The following CEP85L variants were observed in gnomAD, a reference collection of about 807,000 sequenced individuals.
The protein encoded by CEP85L is centrosomal protein of 85 kDa-like.
Under a neutral mutation model 100.3 loss-of-function variants are expected in CEP85L, and 60 were observed. That is an observed-to-expected ratio of 0.60 (90% CI 0.49 to 0.74). CEP85L has a LOEUF of 0.74. Ranked by LOEUF, CEP85L falls within the 30% of genes least tolerant of loss-of-function variation. The probability of loss-of-function intolerance (pLI) is 0.00; values close to 1 mark genes in which losing one functional copy is unlikely to be tolerated. For synonymous variants in CEP85L, 319 were observed against 322.7 expected (o/e 0.99, Z 0.12); for missense variants, 973 against 936.2 (o/e 1.04, Z -0.51).
At chr6:118,480,651 T>C (rs1041564828) in intron 8 of CEP85L, 138 bp from the exon 9 acceptor site, 5 of 572,014 alleles carry the variant, frequency 8.7e-6, no homozygotes, top group Admixed American at 3.0e-5. Context: ...AGACAGTATA[T>C]GAAAAACTGT....
chr6:118,473,677 G>C (rs1773139006), intron 10 of CEP85L, among the ~76,000 whole-genome samples: 1 of 152,158 alleles, frequency 6.6e-6, no homozygotes, highest in African/African-American at 2.4e-5. Context: ...ACAGGCAAGG[G>C]TAGAAGCATG....
At chr6:118,506,884 T>G (rs548621827) in intron 5 of CEP85L, among the ~76,000 whole-genome samples, 118 of 152,296 alleles carry the variant, frequency 7.7e-4, no homozygotes, top group Admixed American at 1.2e-3. Flanking sequence ...TTGCTTGCTT[T>G]CCTTTCTAGA....
chr6:118,703,925 T>C (rs1777510336), intron 1 of CEP85L, among the ~76,000 whole-genome samples: 1 of 152,230 alleles, frequency 6.6e-6, no homozygotes, highest in African/African-American at 2.4e-5. Context: ...ATGTATATAA[T>C]TCATGAATAA....
intron 2 of CEP85L, among the ~76,000 whole-genome samples, chr6:118,603,327 G>T (rs1781878997): frequency 6.6e-6 from 1 of 152,128 alleles, no homozygotes; most frequent in African/African-American, 2.4e-5. Flanking sequence ...TTCCTCAAGG[G>T]ACTTTAATTG....
intron 5 of CEP85L, among the ~76,000 whole-genome samples, chr6:118,506,495 G>A (rs901075580): frequency 1.3e-5 from 2 of 152,180 alleles, no homozygotes; most frequent in African/African-American, 4.8e-5. Context: ...ATTTTCTTAT[G>A]TAAGTTGGAA....
Position 118,465,382 on chromosome 6 carries a change from A to G in CEP85L, c.*23T>C, listed in dbSNP as rs1333839872. 1.2e-6 allele frequency: 2 copies of G among 1,607,218 alleles called. No individual in the cohort carries two copies. The highest frequency in any genetic ancestry group is 3.4e-5 in the Admixed American group (2 of 59,598). The stretch of plus-strand genomic sequence containing the variant: ...AGCAGCATTTAAACAACAGGTCATT[A>G]TTGCTGTGGGACTAACACTTGATCA... On this transcript the variant is annotated 3_prime_UTR_variant, in exon 13 of 13. Transcript: ENST00000368491.
intron 6 of CEP85L, among the ~76,000 whole-genome samples, chr6:118,490,855 A>G (rs911056586): frequency 3.9e-5 from 6 of 152,336 alleles, no homozygotes; most frequent in African/African-American, 1.4e-4. Context: ...TATGAAGTCC[A>G]TGAAAAGTCA....
At chr6:118,597,523 A>G (rs1435644561) in intron 2 of CEP85L, among the ~76,000 whole-genome samples, 1 of 152,240 alleles carries the variant, frequency 6.6e-6, no homozygotes, top group African/African-American at 2.4e-5. Context: ...AGTGAAAATC[A>G]TACTCTCCCA....
intron 1 of CEP85L, among the ~76,000 whole-genome samples, chr6:118,649,252 T>C (rs1449835201): frequency 6.6e-6 from 1 of 152,210 alleles, no homozygotes; most frequent in Non-Finnish European, 1.5e-5. Flanking sequence ...CAAAGGCATG[T>C]CCTGACTTGT....
intron 2 of CEP85L, among the ~76,000 whole-genome samples, chr6:118,576,908 C>A (rs73526192): frequency 6.6e-6 from 1 of 152,276 alleles, no homozygotes; most frequent in African/African-American, 2.4e-5. Flanking sequence ...TAAACAAAAG[C>A]GATTGTTACG....
chr6:118,636,142 G>T (rs1774478467), intron 1 of CEP85L, among the ~76,000 whole-genome samples: 1 of 152,144 alleles, frequency 6.6e-6, no homozygotes, highest in South Asian at 2.1e-4. Context: ...ACAAAAACAG[G>T]TGACAAGTCC....
At chr6:118,706,118 G>A (rs571429755) in intron 1 of CEP85L, among the ~76,000 whole-genome samples, 12 of 152,268 alleles carry the variant, frequency 7.9e-5, no homozygotes, top group African/African-American at 1.2e-4. Context: ...GGAAGGGCTC[G>A]TATCCAGCAT....
chr6:118,497,810 G>A (rs929394314), intron 5 of CEP85L, among the ~76,000 whole-genome samples: 1 of 152,182 alleles, frequency 6.6e-6, no homozygotes, highest in African/African-American at 2.4e-5. Flanking sequence ...AAGAGCATCG[G>A]AAAAGGAATA....
At chr6:118,558,825 G>C (rs558554251) in intron 3 of CEP85L, 2 of 816,984 alleles carry the variant, frequency 2.4e-6, no homozygotes, top group Non-Finnish European at 4.3e-6. Flanking sequence ...TACATTCCAG[G>C]CTACCTAAAA....
intron 4 of CEP85L, among the ~76,000 whole-genome samples, chr6:118,517,825 G>C (rs958045955): frequency 1.3e-5 from 2 of 152,262 alleles, no homozygotes. Flanking sequence ...GTTTTCAAAG[G>C]GAATGCCTCC....
At chr6:118,575,050 C>T (rs557949385) in intron 2 of CEP85L, among the ~76,000 whole-genome samples, 10 of 152,192 alleles carry the variant, frequency 6.6e-5, no homozygotes, top group Non-Finnish European at 1.3e-4. Context: ...GAGCCCCATA[C>T]ACACACAAGA....
intron 1 of CEP85L, among the ~76,000 whole-genome samples, chr6:118,704,269 G>A (rs1777520780): frequency 6.6e-6 from 1 of 152,144 alleles, no homozygotes; most frequent in Admixed American, 6.5e-5. Context: ...CCCTTTGGGG[G>A]CATGTTATTT....
At chr6:118,601,744 G>T (rs1207736489) in intron 2 of CEP85L, among the ~76,000 whole-genome samples, 1 of 152,262 alleles carries the variant, frequency 6.6e-6, no homozygotes, top group Middle Eastern at 3.4e-3. Context: ...GACCATATAG[G>T]GTAACTTCCT....
In CEP85L at chr6:118,566,041, G is replaced by A; in HGVS notation, c.508C>T (p.Gln170Ter). 6.2e-7 allele frequency: 1 copy of A among 1,614,118 alleles called. No individual in the cohort carries two copies. Among genetic ancestry groups the A allele is most frequent in the Non-Finnish European group, 8.5e-7 (1 of 1,180,022 alleles). Residue 170 changes from glutamine (Q) to a stop codon, truncating the protein, a stop_gained, in exon 3 of 13, where the codon CAG becomes TAG. Coordinates refer to ENST00000368491, the MANE Select transcript of CEP85L (RefSeq NM_001042475.3). LOFTEE classifies it high-confidence loss of function. ...SKLTAPDNCGQGGTVCREESR... is the reference protein window; with the variant it reads ...SKLTAPDNCG ...TCTTCTCTGCATACAGTGCCACCCT[G>A]GCCACAGTTATCCGGGGCAGTGAGT...
Sources: allele counts gnomAD v4.1 joint callset (sites outside exome capture counted in the v4.1 genomes callset), GRCh38; gene constraint gnomAD v4.1.1; transcripts MANE v1.5; gene names NCBI Gene and HGNC (gene_info 2026-07-23, HGNC 2026-07-21).